Variants in ARL10 observed in about 807,000 individuals in gnomAD.
ARL10 encodes ADP-ribosylation factor-like protein 10.
Under a neutral mutation model 26.1 loss-of-function variants are expected in ARL10, and 23 were observed. The ratio of observed to expected loss-of-function variants is 0.88; its 90% CI spans 0.63 to 1.25. ARL10 has a LOEUF of 1.25. Ranked by LOEUF, ARL10 falls within the 50% of genes most tolerant of loss-of-function variation. ARL10 has a pLI of 0.00. For synonymous variants in ARL10, 138 were observed against 149.1 expected (o/e 0.93, Z 0.54); for missense variants, 300 against 323.6 (o/e 0.93, Z 0.56).
At chr5:176,387,643 G>A (rs1280294364) in intron 1 of ARL10, among the ~76,000 whole-genome samples, 2 of 152,154 alleles carry the variant, frequency 1.3e-5, no homozygotes, top group Admixed American at 1.3e-4. Context: ...TTTCTTTTGG[G>A]AACCTGGATT....
chr5:176,372,623 C>T lies in ARL10; in HGVS notation c.*728C>T, dbSNP rs553335154. The T allele has an allele frequency of 2.0e-4, 60 of 306,524 alleles. No homozygotes were observed. In the Admixed American group the frequency reaches 2.5e-3, roughly 13 times the overall value. 19.0% of individuals were successfully genotyped at this position (306,524 alleles called of 1,614,324 possible). On this transcript the variant is annotated 3_prime_UTR_variant, in exon 4 of 4. Coordinates refer to ENST00000310389, the MANE Select transcript of ARL10 (RefSeq NM_173664.6). ...GACTACAGAATAACTGATATTCACC[C>T]ACCAAACAGAAAAAGTGAAGGCTGG...
chr5:176,392,648 G>A (rs1396680469), downstream of ARL10: 6 of 1,125,106 alleles, frequency 5.3e-6, no homozygotes, highest in African/African-American at 9.2e-5. This position sits in a 1 kb window ranked among gnomAD's most constrained non-coding sequence, Gnocchi z 5.2. Context: ...CCCAGCGCCT[G>A]GAGATGGGGA....
downstream of ARL10, chr5:176,384,005 C>G: frequency 1.3e-6 from 2 of 1,536,390 alleles, no homozygotes; most frequent in Non-Finnish European, 8.7e-7. Flanking sequence ...CTGAAAACAG[C>G]AGGTTCTGGC....
chr5:176,412,101 G>A, the ARL10 span, among the ~76,000 whole-genome samples: 394 of 151,632 alleles, frequency 2.6e-3, 4 homozygotes, highest in African/African-American at 7.9e-3. Flanking sequence ...GTGTGAACCC[G>A]GGAGGCGGAG....
chr5:176,365,798 C>G, intron 1 of ARL10, 52 bp downstream of exon 1: 3 of 1,230,974 alleles, frequency 2.4e-6, no homozygotes, highest in Non-Finnish European at 3.0e-6. Context: ...GGCTGCGACT[C>G]CGCGCATGTG....
At chr5:176,391,243 A>G (rs1756255433), downstream of ARL10, among the ~76,000 whole-genome samples, 1 of 152,152 alleles carries the variant, frequency 6.6e-6, no homozygotes, top group Non-Finnish European at 1.5e-5. Flanking sequence ...AAGGACATGG[A>G]GTGATGACCA....
chr5:176,402,803 G>C (rs982386797), downstream of ARL10, among the ~76,000 whole-genome samples: 1 of 152,164 alleles, frequency 6.6e-6, no homozygotes, highest in Admixed American at 6.6e-5. Context: ...ACACAGTTCA[G>C]ATAAAGAGAG....
chr5:176,367,913 C>T (rs774307740), intron 2 of ARL10: 1 of 531,360 alleles, frequency 1.9e-6, no homozygotes, highest in Admixed American at 1.9e-5. Context: ...GGTGCAGGGC[C>T]CCTGCTTGCC....
At chr5:176,371,470 G>A (rs1055562096) in intron 3 of ARL10, among the ~76,000 whole-genome samples, 29 of 152,208 alleles carry the variant, frequency 1.9e-4, no homozygotes, top group Admixed American at 1.9e-3. Flanking sequence ...AGGCCAAGGG[G>A]TCCAGAGGCT....
Position 176,371,822 on chromosome 5 carries a change from C to G in ARL10, c.662C>G (p.Ala221Gly), listed in dbSNP as rs780248675. 6.2e-7 allele frequency: 1 copy of G among 1,614,184 alleles called. No individual in the cohort carries two copies. The highest frequency in any genetic ancestry group is 1.7e-5 in the Admixed American group (1 of 60,026). Residue 221 changes from alanine to glycine, a missense_variant, in exon 4 of 4, where the codon GCC (alanine) becomes GGC (glycine). Coordinates refer to ENST00000310389, the MANE Select transcript of ARL10 (RefSeq NM_173664.6). ...GTTTTCCTCTTGGCAGCCAGCATTG[C>G]CCCTGCAGGACCCACCTTTGAAGAG... ...REVFLLAASIAPAGPTFEEPG... is the reference protein window; with the variant it reads ...REVFLLAASIGPAGPTFEEPG...
chr5:176,410,333 T>A, the ARL10 span: 23 of 1,606,288 alleles, frequency 1.4e-5, no homozygotes, highest in Non-Finnish European at 2.0e-5. Context: ...ATAGCATTAC[T>A]CACTGTTTAG....
intron 1 of ARL10, 32 bp from the exon 2 acceptor site, chr5:176,366,348 C>A: frequency 6.3e-7 from 1 of 1,581,316 alleles, no homozygotes; most frequent in East Asian, 2.3e-5. Flanking sequence ...CGGGAGGCCG[C>A]CAGCCGCAAC....
rs1755539983 is a variant in ARL10 at position 176,380,884 on chromosome 5, G to T, written c.*8989G>T. On this transcript the variant is annotated 3_prime_UTR_variant, in exon 4 of 4. Coordinates refer to ENST00000310389, the MANE Select transcript of ARL10 (RefSeq NM_173664.6). ...GGGCACAAGAGATTTTGCCACCTCA[G>T]CCTCCTGAGTAGCTGGGACTACAGG... The T allele has an allele frequency of 2.0e-5, 3 of 152,180 alleles. No homozygotes were observed. The allele number at this position is 152,180 out of a possible 1,614,324, so 9.4% of individuals were successfully genotyped here. A position where few individuals can be genotyped will look rare whatever the true frequency, so the allele number is the denominator to read the frequency against.
At chr5:176,388,369 A>G (rs372982357) in exon 2 of ARL10, 2 of 1,612,968 alleles carry the variant, frequency 1.2e-6, no homozygotes, top group Admixed American at 3.3e-5. Context: ...GACATCGCGG[A>G]TCCGTCATCT....
chr5:176,371,176 A>G (rs1246342963), intron 3 of ARL10, among the ~76,000 whole-genome samples: 1 of 152,158 alleles, frequency 6.6e-6, no homozygotes, highest in Non-Finnish European at 1.5e-5. Context: ...GGAGTTCGAG[A>G]CCAGCCTGGC....
chr5:176,377,911 C>G lies in ARL10; in HGVS notation c.*6016C>G, dbSNP rs925785464. ...CTGAGTAGCTGGGACTACCAGTGTG[C>G]GCCACCATCCCCAGCTAATTTTTTG... is the stretch of plus-strand genomic sequence containing the variant. On this transcript the variant is annotated 3_prime_UTR_variant, in exon 4 of 4. Transcript: ENST00000310389. The surrounding 1 kb of genome is among the most constrained non-coding windows in gnomAD (Gnocchi z 4.5). 6.6e-6 allele frequency: 1 copy of G among 152,122 alleles called. No individual in the cohort carries two copies. Among genetic ancestry groups the G allele is most frequent in the African/African-American group, 2.4e-5 (1 of 41,420 alleles). 9.4% of individuals were successfully genotyped at this position (152,122 alleles called of 1,614,324 possible).
chr5:176,385,168 G>A (rs765163380), downstream of ARL10: 34 of 1,003,110 alleles, frequency 3.4e-5, no homozygotes, highest in Admixed American at 6.8e-5. Flanking sequence ...AGATCAAGCC[G>A]CGAATGGTCC....
intron 1 of ARL10, chr5:176,387,066 C>T (rs1170254051): frequency 1.7e-4 from 24 of 139,412 alleles, no homozygotes; most frequent in Non-Finnish European, 1.5e-4. Context: ...GAGGCTTTTT[C>T]TCTCTCTCTC....
chr5:176,370,661 C>T (rs145105616), intron 3 of ARL10, among the ~76,000 whole-genome samples: 1 of 152,318 alleles, frequency 6.6e-6, no homozygotes, highest in East Asian at 1.9e-4. Flanking sequence ...CCAGGAATCA[C>T]ATCATGTCCT....
Sources: gnomAD v4.1 joint callset for allele counts (sites outside exome capture counted in the v4.1 genomes callset) on GRCh38, gnomAD v4.1.1 for gene constraint, Gnocchi (gnomAD v3.1) non-coding constraint, MANE v1.5 for transcripts, NCBI Gene and HGNC (gene_info 2026-07-23, HGNC 2026-07-21) for gene names.